The following CYP4Z1 variants were observed in gnomAD, a reference collection of about 807,000 sequenced individuals.
The protein encoded by CYP4Z1 is cytochrome P450 family 4 subfamily Z member 1.
Under a neutral mutation model 54.2 loss-of-function variants are expected in CYP4Z1, and 41 were observed. The observed-to-expected ratio is 0.76, with a 90% confidence interval of 0.59 to 0.98. The LOEUF is 0.98. Among genes scored for constraint, CYP4Z1 ranks in the 50% least tolerant of loss-of-function variants. The pLI, the probability that CYP4Z1 is intolerant of heterozygous loss-of-function variation, is 0.00. For synonymous variants in CYP4Z1, 163 were observed against 206.2 expected (o/e 0.79, Z 1.79); for missense variants, 513 against 599.0 (o/e 0.86, Z 1.50).
At chr1:47,089,973 T>C (rs905611244) in intron 6 of CYP4Z1, among the ~76,000 whole-genome samples, 3 of 152,276 alleles carry the variant, frequency 2.0e-5, no homozygotes, top group South Asian at 2.1e-4. Flanking sequence ...ATCTCACAAT[T>C]CCTTTCCTTT....
chr1:47,063,072 G>C (rs1344371562), upstream of CYP4Z1, among the ~76,000 whole-genome samples: 1 of 152,150 alleles, frequency 6.6e-6, no homozygotes, highest in African/African-American at 2.4e-5. Context: ...ACTCTTTACA[G>C]ACACTCCCCA....
chr1:47,057,357 T>A, the CYP4Z1 span, among the ~76,000 whole-genome samples: 10,644 of 100,514 alleles, frequency 0.11, 1,843 homozygotes, highest in East Asian at 0.38. Context: ...TATATATATA[T>A]ATATATATAT....
rs570795377 is a variant in CYP4Z1, at chr1:47,090,292, C to T, written c.773-4274C>T. Among the ~76,000 whole-genome samples the T allele has an allele frequency of 2.1e-3, 323 of 152,276 alleles. 1 individual carries two copies. Among genetic ancestry groups the T allele is most frequent in the African/African-American group, 7.5e-3 (312 of 41,532 alleles). On this transcript the variant is annotated intron_variant, in intron 6 of 11. Coordinates refer to ENST00000334194, the MANE Select transcript of CYP4Z1 (RefSeq NM_178134.3). The stretch of plus-strand genomic sequence containing the variant: ...AACAACCTTGACTAAATCTTTCCTG[C>T]AATTATTAATCCTGTTATAAGGATA...
At chr1:47,095,905 AT>A (rs1644673123) in intron 7 of CYP4Z1, among the ~76,000 whole-genome samples, 1 of 152,228 alleles carries the variant, frequency 6.6e-6, no homozygotes, top group South Asian at 2.1e-4. Context: ...GGGAACAAAA[AT>A]AAACAAATAC....
intron 7 of CYP4Z1, among the ~76,000 whole-genome samples, chr1:47,098,406 T>C (rs75712877): frequency 6.6e-6 from 1 of 152,362 alleles, no homozygotes; most frequent in Admixed American, 6.5e-5. Context: ...ATTCATGATT[T>C]GGCTCTTGGA....
At chr1:47,114,478 C>A (rs1001962462) in intron 9 of CYP4Z1, among the ~76,000 whole-genome samples, 9 of 152,240 alleles carry the variant, frequency 5.9e-5, no homozygotes, top group African/African-American at 1.9e-4. Flanking sequence ...TTCTGCACAG[C>A]AAAAGAAATT....
chr1:47,087,969 TTGGTTCTCTTTATATGC>T (rs1644609991), intron 6 of CYP4Z1, among the ~76,000 whole-genome samples: 1 of 152,192 alleles, frequency 6.6e-6, no homozygotes, highest in Non-Finnish European at 1.5e-5. Context: ...GTTTTTGTCT[TTGGTTCTCTTTATATGC>T]TGGATTACGT....
At chr1:47,089,493 AC>A (rs1644622714) in intron 6 of CYP4Z1, among the ~76,000 whole-genome samples, 1 of 152,036 alleles carries the variant, frequency 6.6e-6, no homozygotes, top group African/African-American at 2.4e-5. Flanking sequence ...GAAAAATGTT[AC>A]TTTTATGTTA....
At chr1:47,074,527 GT>G (rs1448442935) in intron 2 of CYP4Z1, among the ~76,000 whole-genome samples, 1 of 152,076 alleles carries the variant, frequency 6.6e-6, no homozygotes, top group African/African-American at 2.4e-5. Flanking sequence ...GTTAATTTTT[GT>G]ATATAGAGTG....
At chr1:47,086,792 G>C (rs1411179364) in intron 6 of CYP4Z1, among the ~76,000 whole-genome samples, 2 of 152,246 alleles carry the variant, frequency 1.3e-5, no homozygotes, top group South Asian at 2.1e-4. Context: ...GAATGGTATT[G>C]CCTAGGTTTT....
chr1:47,088,372 A>G (rs1315197869), intron 6 of CYP4Z1, among the ~76,000 whole-genome samples: 1 of 151,936 alleles, frequency 6.6e-6, no homozygotes, highest in Admixed American at 6.6e-5. Flanking sequence ...TCAATTTCAG[A>G]GCCTGTTATT....
At chr1:47,114,905 A>G (rs1377467298) in intron 9 of CYP4Z1, among the ~76,000 whole-genome samples, 1 of 152,234 alleles carries the variant, frequency 6.6e-6, no homozygotes, top group Admixed American at 6.5e-5. Context: ...TCAGGGATCT[A>G]GAACTAGAAA....
At chr1:47,068,577 G>A (rs1644467727) in intron 1 of CYP4Z1, 45 bp from the exon 2 acceptor site, 3 of 1,605,602 alleles carry the variant, frequency 1.9e-6, no homozygotes, top group Non-Finnish European at 1.7e-6. Context: ...GGGTCCTCCT[G>A]GGGTGACAAC....
At position 47,118,050 on chromosome 1, in the gene CYP4Z1, A is replaced by G. The variant is rs978680430; in HGVS notation, c.*116A>G. The G allele has an allele frequency of 9.2e-6, 10 of 1,081,370 alleles. No homozygotes were observed. The Admixed American group carries it at 1.5e-4, about 16-fold the overall frequency. 67.0% of individuals were successfully genotyped at this position (1,081,370 alleles called of 1,614,324 possible). ...GGTTGTTTGACAAATTATATAACTT[A>G]GGATACTTCTGACTGGTTTTGACAT... On this transcript the variant is annotated 3_prime_UTR_variant, in exon 12 of 12. Coordinates refer to ENST00000334194, the MANE Select transcript of CYP4Z1 (RefSeq NM_178134.3).
chr1:47,086,608 G>A (rs1179170644), intron 6 of CYP4Z1, among the ~76,000 whole-genome samples: 2 of 152,168 alleles, frequency 1.3e-5, no homozygotes. Flanking sequence ...TTTGTCAGAT[G>A]AGGAGATTGC....
At chr1:47,106,449 G>A (rs935048628) in intron 9 of CYP4Z1, among the ~76,000 whole-genome samples, 188 bp downstream of exon 9, 1 of 151,984 alleles carries the variant, frequency 6.6e-6, no homozygotes, top group South Asian at 2.1e-4. Flanking sequence ...GATTATCAAG[G>A]TGCAAAGGTA....
intron 8 of CYP4Z1, among the ~76,000 whole-genome samples, chr1:47,100,410 T>G (rs1448033916): frequency 6.6e-6 from 1 of 152,214 alleles, no homozygotes; most frequent in Non-Finnish European, 1.5e-5. Context: ...AACAACAATT[T>G]ATAAGTTTTA....
chr1:47,076,730 A>T (rs1310027832), intron 2 of CYP4Z1, among the ~76,000 whole-genome samples: 1 of 150,650 alleles, frequency 6.6e-6, no homozygotes, highest in East Asian at 2.0e-4. Context: ...CTGTAGTCCC[A>T]GCTACTTGAG....
chr1:47,114,400 C>G (rs1644814817), intron 9 of CYP4Z1, among the ~76,000 whole-genome samples: 1 of 152,138 alleles, frequency 6.6e-6, no homozygotes, highest in Admixed American at 6.6e-5. Flanking sequence ...GACTTCATGT[C>G]TAAAACACCA....
Sources: allele counts gnomAD v4.1 joint callset (sites outside exome capture counted in the v4.1 genomes callset), GRCh38; gene constraint gnomAD v4.1.1; transcripts MANE v1.5; gene names NCBI Gene and HGNC (gene_info 2026-07-23, HGNC 2026-07-21).